EXPH5: variants seen among roughly 807,000 people sequenced by gnomAD.
The protein encoded by EXPH5 is exophilin-5.
EXPH5 carries 42 observed loss-of-function variants against 41.1 expected under a neutral mutation model. That is an observed-to-expected ratio of 1.02 (90% CI 0.80 to 1.32). EXPH5 has a LOEUF of 1.32. Among genes scored for constraint, EXPH5 ranks in the 40% most tolerant of loss-of-function variants. The pLI is 0.00. For missense variants in EXPH5, 2,298 were observed against 2,314.5 expected (o/e 0.99, Z 0.15); for synonymous variants, 798 against 833.5 (o/e 0.96, Z 0.73).
intron 1 of EXPH5, among the ~76,000 whole-genome samples, chr11:108,561,198 G>A (rs2136078986): frequency 6.6e-6 from 1 of 152,186 alleles, no homozygotes; most frequent in African/African-American, 2.4e-5. Context: ...CTTTATAGAA[G>A]GAAAGAACTG....
chr11:108,580,696 T>C (rs1257858630), intron 1 of EXPH5, among the ~76,000 whole-genome samples: 1 of 152,206 alleles, frequency 6.6e-6, no homozygotes, highest in African/African-American at 2.4e-5. Flanking sequence ...ATGTGGCATA[T>C]ATATACTGTA....
At chr11:108,562,186 T>C (rs1324193711) in intron 1 of EXPH5, among the ~76,000 whole-genome samples, 1 of 151,900 alleles carries the variant, frequency 6.6e-6, no homozygotes, top group Non-Finnish European at 1.5e-5. Context: ...ACAGAGGAAT[T>C]CTCCAGCATT....
intron 1 of EXPH5, among the ~76,000 whole-genome samples, chr11:108,561,159 A>G (rs538372729): frequency 1.2e-4 from 19 of 152,238 alleles, no homozygotes; most frequent in Non-Finnish European, 2.4e-4. Context: ...AAGACATGTC[A>G]ATGCAAAGAA....
chr11:108,574,402 G>T (rs1295398644), intron 1 of EXPH5, among the ~76,000 whole-genome samples: 1 of 150,904 alleles, frequency 6.6e-6, no homozygotes, highest in Non-Finnish European at 1.5e-5. Flanking sequence ...AATTTAAAAA[G>T]AGGTACATTT....
At chr11:108,581,640 G>C (rs1377322870) in intron 1 of EXPH5, among the ~76,000 whole-genome samples, 1 of 151,656 alleles carries the variant, frequency 6.6e-6, no homozygotes, top group Non-Finnish European at 1.5e-5. Flanking sequence ...AGCAGGCAAT[G>C]GTAAATATCA....
chr11:108,557,013 G>A (rs2136070412), intron 1 of EXPH5, among the ~76,000 whole-genome samples: 1 of 152,238 alleles, frequency 6.6e-6, no homozygotes, highest in East Asian at 1.9e-4. Context: ...GGCTCCCACT[G>A]GGCTTCAGAC....
chr11:108,592,005 C>T (rs758608053), intron 1 of EXPH5, among the ~76,000 whole-genome samples: 4 of 152,134 alleles, frequency 2.6e-5, no homozygotes, highest in Non-Finnish European at 5.9e-5. Flanking sequence ...TTTCTTAGTG[C>T]CTTTGGAATA....
chr11:108,593,655 C>T lies in EXPH5; in HGVS notation c.-119G>A, dbSNP rs1258696102. ...GATCCCACAGCCAATAATAAGTCCG[C>T]CCCTTTGAAAGTCTAAAACCACAAA... On this transcript the variant is annotated 5_prime_UTR_variant, in exon 1 of 6. Coordinates refer to ENST00000265843, the MANE Select transcript of EXPH5 (RefSeq NM_015065.3). The T allele has an allele frequency of 1.1e-5, 18 of 1,580,930 alleles. No individual in the cohort carries two copies. The East Asian group carries it at 1.6e-4, about 14-fold the overall frequency.
At chr11:108,523,040 C>A (rs923282599) in intron 4 of EXPH5, among the ~76,000 whole-genome samples, 1 of 151,878 alleles carries the variant, frequency 6.6e-6, no homozygotes, top group Non-Finnish European at 1.5e-5. Flanking sequence ...TGCCACCATG[C>A]CTAATTTTTT....
intron 3 of EXPH5, among the ~76,000 whole-genome samples, chr11:108,528,695 C>CTTTTTTT (rs58500316): frequency 3.7e-4 from 39 of 106,298 alleles, no homozygotes; most frequent in African/African-American, 6.0e-4. Context: ...TTTTCTTTCC[C>CTTTTTTT]TTTTTTTTTT....
At chr11:108,524,181 A>G (rs1048864823) in intron 4 of EXPH5, among the ~76,000 whole-genome samples, 3 of 152,226 alleles carry the variant, frequency 2.0e-5, no homozygotes, top group African/African-American at 7.2e-5. Context: ...ATAGGTTCCA[A>G]TCCTGGCTCT....
chr11:108,532,333 A>G (rs1591701359), intron 3 of EXPH5, among the ~76,000 whole-genome samples: 1 of 78,550 alleles, frequency 1.3e-5, no homozygotes, highest in East Asian at 2.8e-4. Flanking sequence ...GTGCACCACC[A>G]CACTGGATAT....
intron 1 of EXPH5, among the ~76,000 whole-genome samples, chr11:108,568,878 C>T (rs1370223613): frequency 2.6e-5 from 4 of 152,094 alleles, no homozygotes; most frequent in Admixed American, 1.3e-4. Flanking sequence ...ACAATTCTTC[C>T]CTAATCCAGG....
chr11:108,521,548 A>G (rs2093764985), intron 4 of EXPH5, among the ~76,000 whole-genome samples: 1 of 152,224 alleles, frequency 6.6e-6, no homozygotes, highest in African/African-American at 2.4e-5. Context: ...CAAATGTTAA[A>G]AGCAAAACAC....
At chr11:108,539,869 T>C (rs2093902904) in intron 2 of EXPH5, among the ~76,000 whole-genome samples, 1 of 152,176 alleles carries the variant, frequency 6.6e-6, no homozygotes, top group Admixed American at 6.5e-5. Context: ...GCTTATATAA[T>C]GCAAATATTT....
chr11:108,556,084 AT>A (rs1428784072), intron 1 of EXPH5, among the ~76,000 whole-genome samples: 1 of 152,216 alleles, frequency 6.6e-6, no homozygotes, highest in African/African-American at 2.4e-5. Flanking sequence ...TGATTCATGA[AT>A]TGAGTAGCAT....
intron 1 of EXPH5, among the ~76,000 whole-genome samples, chr11:108,583,889 A>T (rs558740534): frequency 1.6e-4 from 25 of 152,282 alleles, no homozygotes; most frequent in African/African-American, 5.8e-4. Context: ...CTTACAGGAG[A>T]CATGATTGGC....
rs1565840504 is a variant in EXPH5, at chr11:108,593,636, A to C, written c.-100T>G. The C allele has an allele frequency of 3.8e-5, 61 of 1,598,344 alleles. No individual in the cohort carries two copies. Among genetic ancestry groups the C allele is most frequent in the Non-Finnish European group, 5.1e-6 (6 of 1,171,254 alleles). ...AGACCAGTTTCACGAACTTGATCCC[A>C]CAGCCAATAATAAGTCCGCCCCTTT... On this transcript the variant is annotated 5_prime_UTR_variant, in exon 1 of 6. Transcript: ENST00000265843.
the EXPH5 span, among the ~76,000 whole-genome samples, chr11:108,606,904 A>G: frequency 6.6e-6 from 1 of 152,200 alleles, no homozygotes; most frequent in Non-Finnish European, 1.5e-5. Flanking sequence ...ACCATTGAGA[A>G]CATTTCTATT....
Sources: allele counts gnomAD v4.1 joint callset (sites outside exome capture counted in the v4.1 genomes callset), GRCh38; gene constraint gnomAD v4.1.1; transcripts MANE v1.5; gene names NCBI Gene and HGNC (gene_info 2026-07-23, HGNC 2026-07-21).